The following PRKAR1B variants were observed in gnomAD, a reference collection of about 807,000 sequenced individuals.
PRKAR1B encodes cAMP-dependent protein kinase type I-beta regulatory subunit.
A neutral mutation model predicts 46.5 loss-of-function variants in PRKAR1B; 22 were observed. That is an observed-to-expected ratio of 0.47 (90% CI 0.34 to 0.68). The LOEUF is 0.68. PRKAR1B is among the 30% of genes least tolerant of loss of function. The pLI, the probability that PRKAR1B is intolerant of heterozygous loss-of-function variation, is 0.01. For missense variants in PRKAR1B, 445 were observed against 535.6 expected (o/e 0.83, Z 1.67); for synonymous variants, 259 against 217.7 (o/e 1.19, Z -1.67).
In PRKAR1B at chr7:698,449, C is replaced by G. The variant is rs1240787062; in HGVS notation, c.177+12880G>C. 2.0e-5 allele frequency among the ~76,000 whole-genome samples: 3 copies of G among 151,472 alleles called. No individual in the cohort carries two copies. In the South Asian group the frequency reaches 6.3e-4, roughly 32 times the overall value. ...GTGTGCATGTGTGTCTAGGTAAGTA[C>G]GTGTGCGTGTGTGCATATCTAGGTA... On this transcript the variant is annotated intron_variant, in intron 2 of 10. Coordinates refer to ENST00000537384, the MANE Select transcript of PRKAR1B (RefSeq NM_001164760.2).
At chr7:550,686 G>T in intron 10 of PRKAR1B, 84 bp from the exon 11 acceptor site, 1 of 1,219,738 alleles carries the variant, frequency 8.2e-7, no homozygotes, top group Non-Finnish European at 1.1e-6. Flanking sequence ...GACCCTGGAA[G>T]CGGCTCCCTT....
chr7:617,473 G>A (rs190257195), intron 4 of PRKAR1B, among the ~76,000 whole-genome samples: 27 of 152,084 alleles, frequency 1.8e-4, no homozygotes, highest in East Asian at 5.8e-4. Context: ...CCCAACTAAC[G>A]AAGTGCCATT....
chr7:602,195 G>A lies in PRKAR1B; in HGVS notation c.549+3998C>T, dbSNP rs111455654. On this transcript the variant is annotated intron_variant, in intron 6 of 10. Transcript: ENST00000537384. This position sits in a 1 kb window ranked among gnomAD's most constrained non-coding sequence, Gnocchi z 6.4. ...TGGGAGGGGACCCAGTGAGCTCAGGGCTGGAGGAAACGGTCCCTGCTTTGA... is the reference window on the plus strand; with the variant it reads ...TGGGAGGGGACCCAGTGAGCTCAGGACTGGAGGAAACGGTCCCTGCTTTGA... Among the ~76,000 whole-genome samples, 9,760 of 152,172 alleles carry A rather than the reference G, an allele frequency of 0.064. 378 individuals are homozygous for A. The highest frequency in any genetic ancestry group is 0.076 in the East Asian group (392 of 5,132).
chr7:614,650 G>A (rs1782704028), intron 4 of PRKAR1B, among the ~76,000 whole-genome samples: 1 of 152,148 alleles, frequency 6.6e-6, no homozygotes, highest in Non-Finnish European at 1.5e-5. Context: ...GTGGCTCACG[G>A]CCTATAATCC....
At chr7:720,029 G>C (rs74432798) in intron 1 of PRKAR1B, among the ~76,000 whole-genome samples, 1 of 150,110 alleles carries the variant, frequency 6.7e-6, no homozygotes, top group Admixed American at 6.6e-5. Context: ...ATTATTGTCA[G>C]AGAAGGCGTT....
intron 4 of PRKAR1B, among the ~76,000 whole-genome samples, chr7:613,053 T>C (rs1782616815): frequency 6.6e-6 from 1 of 152,010 alleles, no homozygotes; most frequent in African/African-American, 2.4e-5. Context: ...TGTAGATACA[T>C]GTAACAAGGA....
intron 3 of PRKAR1B, among the ~76,000 whole-genome samples, chr7:678,852 G>A (rs550882803): frequency 3.3e-5 from 5 of 152,334 alleles, no homozygotes; most frequent in Admixed American, 2.6e-4. Flanking sequence ...TTGGGAGGCT[G>A]AGGCAGGTGG....
At chr7:583,673 C>G (rs565649353) in intron 8 of PRKAR1B, among the ~76,000 whole-genome samples, 4 of 129,878 alleles carry the variant, frequency 3.1e-5, no homozygotes, top group South Asian at 2.2e-4. Flanking sequence ...CACACCCACA[C>G]ACAACCCACA....
chr7:664,807 G>A (rs529952020), intron 4 of PRKAR1B, among the ~76,000 whole-genome samples: 49 of 152,150 alleles, frequency 3.2e-4, no homozygotes, highest in African/African-American at 1.2e-3. Flanking sequence ...CCAGCTAGTC[G>A]GGAGGCTGAG....
intron 4 of PRKAR1B, among the ~76,000 whole-genome samples, chr7:651,410 G>C (rs73254251): frequency 2.6e-5 from 4 of 152,210 alleles, no homozygotes; most frequent in Non-Finnish European, 5.9e-5. Flanking sequence ...GCTCTTCCAC[G>C]AGGCTTTAGC....
intron 4 of PRKAR1B, among the ~76,000 whole-genome samples, chr7:659,443 C>T (rs116658783): frequency 1.2e-3 from 190 of 152,210 alleles, no homozygotes; most frequent in African/African-American, 4.3e-3. Context: ...GAAGTGACCA[C>T]GAAAGGGGGA....
At chr7:606,077 G>C in intron 6 of PRKAR1B, 116 bp downstream of exon 6, 1 of 927,472 alleles carries the variant, frequency 1.1e-6, no homozygotes, top group Middle Eastern at 2.2e-4. Flanking sequence ...TAAAACACTA[G>C]GAATACGGCA....
At chr7:587,093 A>G (rs1429628224) in intron 7 of PRKAR1B, among the ~76,000 whole-genome samples, 1 of 152,016 alleles carries the variant, frequency 6.6e-6, no homozygotes, top group Non-Finnish European at 1.5e-5. Context: ...CACTGTGTTA[A>G]CCAGGAATTT....
chr7:577,065 C>T (rs1156395418), intron 9 of PRKAR1B, among the ~76,000 whole-genome samples: 10 of 143,502 alleles, frequency 7.0e-5, no homozygotes, highest in African/African-American at 1.3e-4. Context: ...AGTCACCTCA[C>T]CCAATGCCAT....
chr7:634,793 C>A (rs1783952661), intron 4 of PRKAR1B, among the ~76,000 whole-genome samples: 1 of 152,018 alleles, frequency 6.6e-6, no homozygotes, highest in Non-Finnish European at 1.5e-5. Flanking sequence ...GCACCCGCCA[C>A]CATGTCTGGC....
chr7:618,224 C>A (rs1583310376), intron 4 of PRKAR1B, among the ~76,000 whole-genome samples: 1 of 152,260 alleles, frequency 6.6e-6, no homozygotes, highest in African/African-American at 2.4e-5. Context: ...GGGCAGCAAA[C>A]CCCGCCGTTC....
At chr7:625,070 A>G (rs1363250326) in intron 4 of PRKAR1B, among the ~76,000 whole-genome samples, 2 of 152,224 alleles carry the variant, frequency 1.3e-5, no homozygotes, top group Non-Finnish European at 1.5e-5. Flanking sequence ...ATGCTCTCAC[A>G]CCGGAAGTGA....
intron 4 of PRKAR1B, among the ~76,000 whole-genome samples, chr7:612,798 T>G (rs1782599938): frequency 6.6e-6 from 1 of 152,116 alleles, no homozygotes; most frequent in African/African-American, 2.4e-5. Context: ...AATATTGTAA[T>G]AATATTCACC....
chr7:637,571 C>T (rs1467375389), intron 4 of PRKAR1B, among the ~76,000 whole-genome samples: 5 of 152,112 alleles, frequency 3.3e-5, no homozygotes, highest in Non-Finnish European at 5.9e-5. Flanking sequence ...CGGTGGCTCA[C>T]GCCTGTGATC....
Sources: allele counts gnomAD v4.1 joint callset (sites outside exome capture counted in the v4.1 genomes callset), GRCh38; gene constraint gnomAD v4.1.1; non-coding constraint Gnocchi (gnomAD v3.1); transcripts MANE v1.5; gene names NCBI Gene and HGNC (gene_info 2026-07-23, HGNC 2026-07-21).